Variants in PTBP2 observed in about 807,000 individuals in gnomAD.
PTBP2 encodes polypyrimidine tract binding protein 2, also known as polypyrimidine tract-binding protein 2.
A neutral mutation model predicts 61.4 loss-of-function variants in PTBP2; 13 were observed. The ratio of observed to expected loss-of-function variants is 0.21; its 90% CI spans 0.14 to 0.34. The LOEUF (loss-of-function observed/expected upper bound fraction) is 0.34. PTBP2 is among the 10% of genes least tolerant of loss of function. The probability of loss-of-function intolerance (pLI) is 1.00; values close to 1 mark genes in which losing one functional copy is unlikely to be tolerated. For missense variants in PTBP2, 405 were observed against 642.6 expected, an observed-to-expected ratio of 0.63 and a Z score of 4.00; for synonymous variants, 215 against 218.5, an observed-to-expected ratio of 0.98 and a Z score of 0.14.
chr1:96,741,883 C>T (rs1400888103), intron 2 of PTBP2, among the ~76,000 whole-genome samples: 1 of 152,150 alleles, frequency 6.6e-6, no homozygotes, highest in Non-Finnish European at 1.5e-5. Flanking sequence ...GATCTGCTTT[C>T]TCAGCTCTTC....
At chr1:96,808,378 A>G (rs572844688) in intron 11 of PTBP2, among the ~76,000 whole-genome samples, 3 of 152,118 alleles carry the variant, frequency 2.0e-5, no homozygotes, top group Non-Finnish European at 4.4e-5. Flanking sequence ...CTTGCAGCCA[A>G]CCATCTTCCC....
rs1025993822 is a variant in PTBP2, at chr1:96,814,377, A to G, written c.*972A>G. ...TATTTTTCAAAGATAAAGAAAGTGTACTGCGAAAATATGCAGGAAGATTAA... is the reference window on the plus strand; with the variant it reads ...TATTTTTCAAAGATAAAGAAAGTGTGCTGCGAAAATATGCAGGAAGATTAA... On this transcript the variant is annotated 3_prime_UTR_variant, in exon 14 of 14. Coordinates refer to ENST00000674951, the MANE Select transcript of PTBP2 (RefSeq NM_021190.4). The G allele has an allele frequency of 1.1e-4, 17 of 152,586 alleles. No homozygotes were observed. Among genetic ancestry groups the G allele is most frequent in the African/African-American group, 3.9e-4 (16 of 41,456 alleles). The allele number at this position is 152,586 out of a possible 1,614,324, so 9.5% of individuals were successfully genotyped here. A position where few individuals can be genotyped will look rare whatever the true frequency, so the allele number is the denominator to read the frequency against.
chr1:96,765,708 T>TTAGA (rs34315705), intron 3 of PTBP2, among the ~76,000 whole-genome samples: 63,115 of 147,136 alleles, frequency 0.43, 13,632 homozygotes, highest in South Asian at 0.49. Context: ...AGACTCTGTC[T>TTAGA]TAGATAGATA....
Position 96,804,837 on chromosome 1 carries a change from T to TGCTGCTGCAGCAGCTGCTGCA in PTBP2, c.951_971dup (p.Ala318_Ala324dup). 1.9e-6 allele frequency: 3 copies of TGCTGCTGCAGCAGCTGCTGCA among 1,611,900 alleles called. No individual in the cohort carries two copies. Among genetic ancestry groups the TGCTGCTGCAGCAGCTGCTGCA allele is most frequent in the Admixed American group, 1.7e-5 (1 of 59,992 alleles). ...CTCTGAGTCCTTTGGCCATTCCAAA[T>TGCTGCTGCAGCAGCTGCTGCA]GCTGCTGCAGCAGCTGCTGCAGCTG... On this transcript the variant is annotated inframe_insertion, in exon 9 of 14. Transcript: ENST00000674951.
intron 8 of PTBP2, among the ~76,000 whole-genome samples, chr1:96,785,894 T>TA (rs1473307098): frequency 6.6e-6 from 1 of 152,214 alleles, no homozygotes; most frequent in Admixed American, 6.5e-5. Context: ...ATATGCAACT[T>TA]ATAGTTGATA....
intron 3 of PTBP2, 125 bp downstream of exon 3, chr1:96,751,625 G>T: frequency 3.3e-6 from 2 of 607,052 alleles, no homozygotes; most frequent in Non-Finnish European, 5.6e-6. Flanking sequence ...ACATTTTAGA[G>T]TAAATTTTAC....
At chr1:96,733,949 A>G (rs1651792764) in intron 2 of PTBP2, among the ~76,000 whole-genome samples, 1 of 152,150 alleles carries the variant, frequency 6.6e-6, no homozygotes, top group Non-Finnish European at 1.5e-5. Context: ...GAGTCTCTAT[A>G]TTGTTAATTA....
chr1:96,785,296 C>A, intron 8 of PTBP2, 42 bp downstream of exon 8: 2 of 1,444,962 alleles, frequency 1.4e-6, no homozygotes, highest in South Asian at 2.8e-5. Context: ...CCCATTTTGC[C>A]AAATGGAAAA....
intron 8 of PTBP2, among the ~76,000 whole-genome samples, chr1:96,786,626 G>T (rs1434229916): frequency 2.0e-5 from 3 of 152,080 alleles, no homozygotes; most frequent in Admixed American, 6.6e-5. Flanking sequence ...AAAATTTATT[G>T]AGTAGCTTCT....
intron 2 of PTBP2, among the ~76,000 whole-genome samples, chr1:96,744,409 A>G (rs1653468127): frequency 6.6e-6 from 1 of 152,184 alleles, no homozygotes; most frequent in Non-Finnish European, 1.5e-5. Context: ...ATTATAGTCC[A>G]TGAGTCCCCC....
At chr1:96,773,300 A>G (rs1291002860) in intron 5 of PTBP2, among the ~76,000 whole-genome samples, 4 of 151,944 alleles carry the variant, frequency 2.6e-5, no homozygotes, top group Admixed American at 1.3e-4. Context: ...AATCAATGCA[A>G]AGTTCCTTCT....
intron 3 of PTBP2, among the ~76,000 whole-genome samples, chr1:96,758,785 T>A (rs1294508166): frequency 6.6e-6 from 1 of 152,100 alleles, no homozygotes; most frequent in Non-Finnish European, 1.5e-5. Context: ...GTTTTCTCAA[T>A]TTTTCCCCTT....
At chr1:96,772,779 A>G (rs1365438282) in intron 5 of PTBP2, among the ~76,000 whole-genome samples, 1 of 152,146 alleles carries the variant, frequency 6.6e-6, no homozygotes, top group African/African-American at 2.4e-5. Flanking sequence ...TTGCAAGTAC[A>G]TTCTCATTTT....
chr1:96,822,498 A>T (rs778600155), exon 14 of PTBP2: 1 of 152,220 alleles, frequency 6.6e-6, no homozygotes, highest in East Asian at 1.9e-4. Context: ...AAATGCAGTT[A>T]TTGGTAAACT....
intron 3 of PTBP2, among the ~76,000 whole-genome samples, chr1:96,765,728 A>ATAGG (rs1656617079): frequency 6.6e-6 from 1 of 151,906 alleles, no homozygotes; most frequent in Non-Finnish European, 1.5e-5. Flanking sequence ...AGATAGATAG[A>ATAGG]TAGATAGATA....
intron 8 of PTBP2, among the ~76,000 whole-genome samples, chr1:96,785,530 A>T (rs1392108344): frequency 6.6e-6 from 1 of 152,324 alleles, no homozygotes; most frequent in East Asian, 1.9e-4. Flanking sequence ...AAAAGCTCTA[A>T]TGAAGAAATA....
intron 8 of PTBP2, among the ~76,000 whole-genome samples, chr1:96,790,303 A>G (rs1039406627): frequency 1.3e-5 from 2 of 149,370 alleles, no homozygotes; most frequent in African/African-American, 2.5e-5. Flanking sequence ...TGTGCTTCCT[A>G]TTGTGTCTCA....
chr1:96,804,377 G>A (rs1464475451), intron 8 of PTBP2, among the ~76,000 whole-genome samples: 3 of 151,664 alleles, frequency 2.0e-5, no homozygotes, highest in Non-Finnish European at 3.0e-5. Context: ...GTGAGTTTAT[G>A]AAGAAGATAG....
intron 2 of PTBP2, among the ~76,000 whole-genome samples, chr1:96,732,558 C>T (rs1454774324): frequency 2.0e-5 from 3 of 152,106 alleles, no homozygotes; most frequent in Admixed American, 6.5e-5. Context: ...TTAATATGCT[C>T]ATACTCTAAT....
Sources: allele counts gnomAD v4.1 joint callset (sites outside exome capture counted in the v4.1 genomes callset), GRCh38; gene constraint gnomAD v4.1.1; transcripts MANE v1.5; gene names NCBI Gene and HGNC (gene_info 2026-07-23, HGNC 2026-07-21).